The following RARG variants were observed in gnomAD, a reference collection of about 807,000 sequenced individuals.
RARG encodes the protein retinoic acid receptor gamma.
RARG carries 17 observed loss-of-function variants against 43.7 expected under a neutral mutation model. The ratio of observed to expected loss-of-function variants is 0.39; its 90% CI spans 0.27 to 0.58. The LOEUF (loss-of-function observed/expected upper bound fraction) is 0.58. RARG is among the 20% of genes least tolerant of loss of function. The probability of loss-of-function intolerance (pLI) is 0.57; values close to 1 mark genes in which losing one functional copy is unlikely to be tolerated. For missense variants in RARG, 346 were observed against 598.7 expected, an observed-to-expected ratio of 0.58 and a Z score of 4.40; for synonymous variants, 238 against 236.4, an observed-to-expected ratio of 1.01 and a Z score of -0.06.
rs1008295138 is a variant in RARG at position 53,211,550 on chromosome 12, A to C, written c.*126T>G. 24 of 932,218 alleles carry C rather than the reference A, an allele frequency of 2.6e-5. No homozygotes were observed. Among genetic ancestry groups the C allele is most frequent in the Non-Finnish European group, 3.5e-5 (24 of 684,222 alleles). 57.7% of individuals were successfully genotyped at this position (932,218 alleles called of 1,614,324 possible). On this transcript the variant is annotated 3_prime_UTR_variant, in exon 10 of 10. Transcript: ENST00000425354. The surrounding 1 kb of genome is among the most constrained non-coding windows in gnomAD (Gnocchi z 4.6). ...ACCCCTAGAAACTTTGGCAAAAACA[A>C]GGAGCTCATTGGAAGGGGTGGGGAG...
Position 53,232,118 on chromosome 12 carries a change from G to T in RARG, c.-354C>A. On this transcript the variant is annotated 5_prime_UTR_variant, in exon 1 of 10. Coordinates refer to ENST00000425354, the MANE Select transcript of RARG (RefSeq NM_000966.6). ...GGCTCTAGGCTGGGACTGTCCCGGG[G>T]CCTCTCGGAGCCCGCCCGCCCACGT... The T allele has an allele frequency of 2.5e-6, 1 of 398,648 alleles. No homozygotes were observed. Among genetic ancestry groups the T allele is most frequent in the Non-Finnish European group, 4.4e-6 (1 of 226,074 alleles). The allele number at this position is 398,648 out of a possible 1,614,324, so 24.7% of individuals were successfully genotyped here.
In RARG at chr12:53,227,697, AAGAG is replaced by A. The variant is rs1364070426; in HGVS notation, c.-142-14_-142-11del. 21 of 1,268,412 alleles carry A rather than the reference AAGAG, an allele frequency of 1.7e-5. No homozygotes were observed. The East Asian group carries it at 4.3e-4, about 26-fold the overall frequency. The allele number at this position is 1,268,412 out of a possible 1,614,324, so 78.6% of individuals were successfully genotyped here. A position where few individuals can be genotyped will look rare whatever the true frequency, so the allele number is the denominator to read the frequency against. ...TGGGCCTCCAAAAGTCCTAGGGAGAAAGAGAGAGAAAGGAGAGATGAGAGAATGA... is the reference window on the plus strand; with the variant it reads ...TGGGCCTCCAAAAGTCCTAGGGAGAAAGAGAAAGGAGAGATGAGAGAATGA... On this transcript the variant is annotated splice_polypyrimidine_tract_variant and intron_variant, in intron 2 of 9. Coordinates refer to ENST00000425354, the MANE Select transcript of RARG (RefSeq NM_000966.6). This position sits in a 1 kb window ranked among gnomAD's most constrained non-coding sequence, Gnocchi z 4.3.
At chr12:53,225,644 T>C (rs1943089246) in intron 3 of RARG, among the ~76,000 whole-genome samples, 1 of 152,296 alleles carries the variant, frequency 6.6e-6, no homozygotes, top group Admixed American at 6.5e-5. Context: ...GTCTCTGAAA[T>C]TGCTCTTTCC....
rs1942676102 is a variant in RARG, at chr12:53,213,733, G to T, written c.814-33C>A. 1.3e-6 allele frequency: 2 copies of T among 1,551,806 alleles called. No individual in the cohort carries two copies. Among genetic ancestry groups the T allele is most frequent in the Non-Finnish European group, 1.8e-6 (2 of 1,127,720 alleles). On this transcript the variant is annotated intron_variant, in intron 7 of 9. Coordinates refer to ENST00000425354, the MANE Select transcript of RARG (RefSeq NM_000966.6). The surrounding 1 kb of genome is among the most constrained non-coding windows in gnomAD (Gnocchi z 4.7). ...TGGGGGGTGGAGGAGGGTTAGTGCT[G>T]TTTCTGGGGGATGGGGAAAAGAGGG...
rs150579991 is a variant in RARG, at chr12:53,213,169, C to A, written c.1093G>T (p.Ala365Ser). ...EPLLEALRLY[A>S]RRRRPSQPYM... ...GGCTGGCTGGGCCGCCGGCGCCGGG[C>A]GTACAGCCTCAGGGCTTCCAGCAGT... is the stretch of plus-strand genomic sequence containing the variant. Residue 365 changes from alanine to serine, a missense_variant, in exon 9 of 10, where the codon GCC becomes TCC. Coordinates refer to ENST00000425354, the MANE Select transcript of RARG (RefSeq NM_000966.6). The surrounding 1 kb of genome is among the most constrained non-coding windows in gnomAD (Gnocchi z 4.7). 5.0e-6 allele frequency: 8 copies of A among 1,612,624 alleles called. No individual in the cohort carries two copies. The highest frequency in any genetic ancestry group is 1.1e-5 in the South Asian group (1 of 91,036).
At chr12:53,217,506 A>G (rs1942810695) in intron 3 of RARG, among the ~76,000 whole-genome samples, 1 of 152,178 alleles carries the variant, frequency 6.6e-6, no homozygotes, top group Non-Finnish European at 1.5e-5. Context: ...GTGCCAGCCA[A>G]TTATAAGACT....
At chr12:53,220,321 C>G in intron 3 of RARG, 1 of 1,416,646 alleles carries the variant, frequency 7.1e-7, no homozygotes, top group South Asian at 1.6e-5. Context: ...GCCGCTTTAG[C>G]CTCCGTCCAG....
At chr12:53,226,196 T>G (rs1386489618) in intron 3 of RARG, among the ~76,000 whole-genome samples, 2 of 152,220 alleles carry the variant, frequency 1.3e-5, no homozygotes, top group African/African-American at 4.8e-5. Context: ...TGGCGCGATC[T>G]TGGCTCACTG....
At chr12:53,217,296 TGAG>T (rs976934378) in intron 3 of RARG, among the ~76,000 whole-genome samples, 1 of 152,058 alleles carries the variant, frequency 6.6e-6, no homozygotes, top group African/African-American at 2.4e-5. Context: ...CTGAGAGATG[TGAG>T]GAGGGCTGGA....
intron 3 of RARG, among the ~76,000 whole-genome samples, chr12:53,222,964 A>ACCC (rs1298480996): frequency 4.0e-5 from 6 of 151,602 alleles, no homozygotes; most frequent in Non-Finnish European, 7.4e-5. Context: ...ACCAGGGCAT[A>ACCC]CCCCCCTCCC....
chr12:53,224,419 C>T (rs1943060003), intron 3 of RARG, among the ~76,000 whole-genome samples: 1 of 152,152 alleles, frequency 6.6e-6, no homozygotes, highest in African/African-American at 2.4e-5. Flanking sequence ...GTGTGTGTGT[C>T]ATCCATAGAA....
chr12:53,224,203 C>T (rs937450962), intron 3 of RARG, among the ~76,000 whole-genome samples: 1 of 152,120 alleles, frequency 6.6e-6, no homozygotes, highest in African/African-American at 2.4e-5. Context: ...TGAGCCTCCC[C>T]TCCACCACCA....
Position 53,215,546 on chromosome 12 carries a change from T to G in RARG, c.333+100A>C. ...TGACCTAATCTATTAACCACCTATG[T>G]GCAAAGCAGTGCTGCTCAGACACAG... is the stretch of plus-strand genomic sequence containing the variant. On this transcript the variant is annotated intron_variant, in intron 4 of 9. Coordinates refer to ENST00000425354, the MANE Select transcript of RARG (RefSeq NM_000966.6). This position sits in a 1 kb window ranked among gnomAD's most constrained non-coding sequence, Gnocchi z 6.4. 1 of 1,583,062 alleles carries G rather than the reference T, an allele frequency of 6.3e-7. No individual in the cohort carries two copies. The highest frequency in any genetic ancestry group is 8.6e-7 in the Non-Finnish European group (1 of 1,159,260).
chr12:53,215,832 G>T lies in RARG; in HGVS notation c.185-38C>A. The T allele has an allele frequency of 6.4e-7, 1 of 1,554,226 alleles. No individual in the cohort carries two copies. Among genetic ancestry groups the T allele is most frequent in the East Asian group, 2.3e-5 (1 of 44,250 alleles). On this transcript the variant is annotated intron_variant, in intron 3 of 9. Transcript: ENST00000425354. This position sits in a 1 kb window ranked among gnomAD's most constrained non-coding sequence, Gnocchi z 6.4. ...CAGTGATGTGAGGGTCAGGGGAGAA[G>T]GACCCCACAGACCTCCAGGCTTCCT...
At chr12:53,220,328 C>T (rs1303202081) in intron 3 of RARG, 4 of 1,394,896 alleles carry the variant, frequency 2.9e-6, no homozygotes, top group Non-Finnish European at 3.7e-6. Context: ...TAGCCTCCGT[C>T]CAGCTCTTAT....
In RARG at chr12:53,214,465, T is replaced by C; in HGVS notation, c.617A>G (p.Gln206Arg). 1 of 1,613,300 alleles carries C rather than the reference T, an allele frequency of 6.2e-7. No individual in the cohort carries two copies. The highest frequency in any genetic ancestry group is 8.5e-7 in the Non-Finnish European group (1 of 1,179,314). The change falls in exon 6 of 10, where the codon CAG becomes CGG. Residue 206 changes from glutamine to arginine, a missense_variant. Coordinates refer to ENST00000425354, the MANE Select transcript of RARG (RefSeq NM_000966.6). ...AHQETFPSLC[Q>R]LGKYTTNSSA... Reference sequence around the variant, plus strand: ...CCTCACCGTGGTATACTTGCCCAGCTGGCAGAGCGAGGGGAAAGTCTCCTG... The same window carrying C: ...CCTCACCGTGGTATACTTGCCCAGCCGGCAGAGCGAGGGGAAAGTCTCCTG...
intron 2 of RARG, chr12:53,230,056 G>A: frequency 1.2e-6 from 1 of 850,648 alleles, no homozygotes; most frequent in Non-Finnish European, 1.4e-6. Context: ...TGTCGTGGCT[G>A]GGAAGAGAAG....
intron 3 of RARG, among the ~76,000 whole-genome samples, chr12:53,217,199 A>G (rs942514085): frequency 6.6e-6 from 1 of 152,016 alleles, no homozygotes; most frequent in Non-Finnish European, 1.5e-5. Context: ...GAGATTACCC[A>G]AAGAAAAAGG....
chr12:53,229,581 T>TC (rs1297189961), intron 2 of RARG, among the ~76,000 whole-genome samples: 3 of 152,004 alleles, frequency 2.0e-5, no homozygotes, highest in East Asian at 3.9e-4. Context: ...GCCTCCAGGG[T>TC]CCCTCTCCTT....
Sources: gnomAD v4.1 joint callset for allele counts (sites outside exome capture counted in the v4.1 genomes callset) on GRCh38, gnomAD v4.1.1 for gene constraint, Gnocchi (gnomAD v3.1) non-coding constraint, MANE v1.5 for transcripts, NCBI Gene and HGNC (gene_info 2026-07-23, HGNC 2026-07-21) for gene names.